Variants in EML4 observed in about 807,000 individuals in gnomAD.
The protein encoded by EML4 is EMAP like 4, also known as echinoderm microtubule-associated protein-like 4.
EML4 carries 72 observed loss-of-function variants against 129.0 expected under a neutral mutation model. The ratio of observed to expected loss-of-function variants is 0.56; its 90% CI spans 0.46 to 0.68. The LOEUF (loss-of-function observed/expected upper bound fraction) is 0.68. EML4 is among the 30% of genes least tolerant of loss of function. The pLI is 0.00. For missense variants in EML4, 1,363 were observed against 1,190.6 expected (o/e 1.14, Z -2.13); for synonymous variants, 532 against 405.0 (o/e 1.31, Z -3.77).
chr2:42,179,127 C>T (rs534098651), intron 1 of EML4, among the ~76,000 whole-genome samples: 3 of 152,312 alleles, frequency 2.0e-5, no homozygotes, highest in African/African-American at 7.2e-5. Flanking sequence ...TTGTGTGTCT[C>T]TGCATGTGAT....
intron 19 of EML4, among the ~76,000 whole-genome samples, chr2:42,322,783 G>T (rs1000962083): frequency 9.2e-5 from 14 of 152,218 alleles, no homozygotes; most frequent in African/African-American, 3.4e-4. Flanking sequence ...TGTGACTTGG[G>T]TAGAGGAAGG....
intron 1 of EML4, among the ~76,000 whole-genome samples, chr2:42,229,164 T>C (rs1365876261): frequency 1.3e-5 from 2 of 152,188 alleles, no homozygotes; most frequent in South Asian, 2.1e-4. Context: ...TGGAATCTTA[T>C]GATGATTATA....
intron 10 of EML4, 146 bp downstream of exon 10, chr2:42,286,525 C>T: frequency 1.6e-6 from 1 of 614,098 alleles, no homozygotes; most frequent in South Asian, 1.9e-5. Flanking sequence ...TTAGCTATTG[C>T]TAAATGGCTA....
intron 1 of EML4, among the ~76,000 whole-genome samples, chr2:42,198,649 G>A (rs2103946643): frequency 6.6e-6 from 1 of 152,338 alleles, no homozygotes; most frequent in Non-Finnish European, 1.5e-5. Flanking sequence ...AAGAGGAAGT[G>A]AGGACACATT....
intron 17 of EML4, among the ~76,000 whole-genome samples, chr2:42,312,854 G>T (rs1462572936): frequency 6.9e-6 from 1 of 145,008 alleles, no homozygotes; most frequent in Non-Finnish European, 1.5e-5. Flanking sequence ...CGCCTGGCCT[G>T]CCTGTCAGAA....
At chr2:42,250,582 A>AT (rs1289650611) in intron 2 of EML4, among the ~76,000 whole-genome samples, 1 of 151,988 alleles carries the variant, frequency 6.6e-6, no homozygotes, top group African/African-American at 2.4e-5. Flanking sequence ...ATCATTGGGC[A>AT]TTTTTTTCCT....
chr2:42,326,275 A>G lies in EML4; in HGVS notation c.2341+23A>G, dbSNP rs764355270. 94 of 1,539,666 alleles carry G rather than the reference A, an allele frequency of 6.1e-5. 1 individual carries two copies. Among genetic ancestry groups the G allele is most frequent in the Non-Finnish European group, 7.6e-5 (85 of 1,121,498 alleles). ...TTGGTAAGGAAATGACACCTGATGTAAAGAAGTGGTTTGTGGGTTTTTTAT... is the reference window on the plus strand; with the variant it reads ...TTGGTAAGGAAATGACACCTGATGTGAAGAAGTGGTTTGTGGGTTTTTTAT... On this transcript the variant is annotated intron_variant, in intron 21 of 22. Transcript: ENST00000318522.
intron 1 of EML4, among the ~76,000 whole-genome samples, chr2:42,217,304 C>G (rs1312575131): frequency 2.0e-5 from 3 of 152,104 alleles, no homozygotes; most frequent in African/African-American, 7.2e-5. Context: ...ATACTTAACC[C>G]ATCAAGGCAG....
chr2:42,182,158 C>CTTTTT (rs36105464), intron 1 of EML4, among the ~76,000 whole-genome samples: 1 of 126,212 alleles, frequency 7.9e-6, no homozygotes, highest in African/African-American at 2.9e-5. Flanking sequence ...AAAAATTCTT[C>CTTTTT]TTTTTTTTTT....
At chr2:42,291,988 T>A (rs760620128) in intron 11 of EML4, among the ~76,000 whole-genome samples, 1 of 152,092 alleles carries the variant, frequency 6.6e-6, no homozygotes, top group African/African-American at 2.4e-5. Context: ...ACAAAAATAC[T>A]AAGGTTGCTG....
chr2:42,181,076 C>T (rs1016395484), intron 1 of EML4, among the ~76,000 whole-genome samples: 3 of 152,308 alleles, frequency 2.0e-5, no homozygotes, highest in African/African-American at 7.2e-5. Context: ...TATCCCATTA[C>T]TGATGATGTC....
At chr2:42,291,345 C>G (rs1418426076) in intron 11 of EML4, among the ~76,000 whole-genome samples, 4 of 150,414 alleles carry the variant, frequency 2.7e-5, no homozygotes, top group African/African-American at 9.8e-5. Context: ...AAGTACTAAC[C>G]ATAATGGGAG....
intron 1 of EML4, among the ~76,000 whole-genome samples, chr2:42,214,254 CAT>C (rs1165799986): frequency 1.3e-5 from 2 of 152,140 alleles, no homozygotes; most frequent in Admixed American, 6.5e-5. Context: ...TACATTTACT[CAT>C]ATGAATATCA....
chr2:42,172,896 G>T (rs1363824164), intron 1 of EML4, among the ~76,000 whole-genome samples: 3 of 152,090 alleles, frequency 2.0e-5, no homozygotes, highest in Non-Finnish European at 4.4e-5. Flanking sequence ...TTAATTTTAA[G>T]ACTTTTATCT....
intron 5 of EML4, among the ~76,000 whole-genome samples, chr2:42,263,608 T>C (rs1424535256): frequency 1.3e-5 from 2 of 151,724 alleles, no homozygotes. Context: ...TTTCACCATG[T>C]TGGCCAGGAT....
At chr2:42,252,476 A>T (rs1301070156) in intron 2 of EML4, among the ~76,000 whole-genome samples, 1 of 152,194 alleles carries the variant, frequency 6.6e-6, no homozygotes, top group Non-Finnish European at 1.5e-5. Context: ...ACTAGAGGGT[A>T]TTCTCTAAAA....
At chr2:42,269,245 T>G (rs1420281433) in intron 6 of EML4, among the ~76,000 whole-genome samples, 1 of 152,234 alleles carries the variant, frequency 6.6e-6, no homozygotes, top group East Asian at 1.9e-4. Context: ...GCCAAATGCT[T>G]TATCAAATAA....
intron 2 of EML4, among the ~76,000 whole-genome samples, chr2:42,249,650 A>G (rs1426054397): frequency 6.6e-6 from 1 of 152,208 alleles, no homozygotes; most frequent in East Asian, 1.9e-4. Context: ...GCCATTCAGT[A>G]AATACCAAAA....
chr2:42,319,097 A>G (rs1669392131), intron 19 of EML4, among the ~76,000 whole-genome samples: 1 of 152,246 alleles, frequency 6.6e-6, no homozygotes, highest in Non-Finnish European at 1.5e-5. Context: ...AAGATTTTAC[A>G]GGTAGCCCTG....
Sources: allele counts gnomAD v4.1 joint callset (sites outside exome capture counted in the v4.1 genomes callset), GRCh38; gene constraint gnomAD v4.1.1; transcripts MANE v1.5; gene names NCBI Gene and HGNC (gene_info 2026-07-23, HGNC 2026-07-21).